Variants in EGFL6 observed in about 807,000 individuals in gnomAD.
The protein encoded by EGFL6 is EGF like domain multiple 6, also known as epidermal growth factor-like protein 6.
A neutral mutation model predicts 43.1 loss-of-function variants in EGFL6; 42 were observed. The ratio of observed to expected loss-of-function variants is 0.98; its 90% CI spans 0.76 to 1.26. EGFL6 has a LOEUF of 1.26. EGFL6 is among the 50% of genes most tolerant of loss of function. The pLI is 0.00. For missense variants in EGFL6, 429 were observed against 427.8 expected, an observed-to-expected ratio of 1.00 and a Z score of -0.02; for synonymous variants, 164 against 163.2, an observed-to-expected ratio of 1.01 and a Z score of -0.04.
In EGFL6 at chrX:13,631,537, T is replaced by C. The variant is rs187649388; in HGVS notation, c.1552-1448T>C. On this transcript the variant is annotated intron_variant, in intron 11 of 11. Transcript: ENST00000361306. ...TGGCTCATGCCTGTAATTCCAGCAC[T>C]TTGGGAGGCCTAGGTGGGTGGATCA... Among the ~76,000 whole-genome samples, 286 of 111,401 alleles carry C rather than the reference T, an allele frequency of 2.6e-3. 1 individual carries two copies. The highest frequency in any genetic ancestry group is 7.7e-3 in the Admixed American group (80 of 10,451).
intron 1 of EGFL6, among the ~76,000 whole-genome samples, chrX:13,578,702 T>C (rs929895158): frequency 2.7e-5 from 3 of 110,021 alleles, no homozygotes; most frequent in African/African-American, 1.0e-4. Flanking sequence ...CACCGCATAT[T>C]CTCACTCATA....
chrX:13,578,243 C>A (rs1415746779), intron 1 of EGFL6, among the ~76,000 whole-genome samples: 1 of 109,943 alleles, frequency 9.1e-6, no homozygotes, highest in Non-Finnish European at 1.9e-5. Context: ...CATCTCACAC[C>A]AGTTAGAATG....
intron 1 of EGFL6, among the ~76,000 whole-genome samples, chrX:13,576,979 C>CTTGT (rs1286390093): frequency 9.0e-6 from 1 of 110,507 alleles, no homozygotes; most frequent in South Asian, 3.8e-4. Flanking sequence ...ATGTGAAGGT[C>CTTGT]TTGTTTATGA....
At chrX:13,594,528 A>G (rs752131057) in intron 2 of EGFL6, among the ~76,000 whole-genome samples, 1 of 112,397 alleles carries the variant, frequency 8.9e-6, no homozygotes, top group Admixed American at 9.4e-5. Flanking sequence ...GGCAAGAGAC[A>G]GAAGGAAGGG....
chrX:13,601,582 T>A (rs1318049069), intron 4 of EGFL6, among the ~76,000 whole-genome samples: 5 of 111,723 alleles, frequency 4.5e-5, no homozygotes, highest in African/African-American at 1.6e-4. Flanking sequence ...TTTCCCGAGA[T>A]TATAAAATCT....
chrX:13,594,812 T>A (rs1270366650), intron 2 of EGFL6, 24 bp from the exon 3 acceptor site: 2 of 1,194,552 alleles, frequency 1.7e-6, no homozygotes, highest in Non-Finnish European at 2.3e-6. Context: ...TCTTTTATCA[T>A]CAAGACATCT....
rs746573790 is a variant in EGFL6, at chrX:13,617,967, T to C, written c.1016T>C (p.Met339Thr). ...HGGKKGNEEK[M>T]KEGLEDEKRE... ...GGTAAAAAAGGGAATGAAGAGAAAA[T>C]GAAAGAGGGGCTTGAGGATGAGAAA... is the stretch of plus-strand genomic sequence containing the variant. Residue 339 changes from methionine to threonine, a missense_variant, in exon 8 of 12, where the codon ATG becomes ACG. Met to Thr is a moderately conservative substitution (Grantham distance 81, BLOSUM62 -1). Transcript: ENST00000361306. The C allele has an allele frequency of 4.1e-6, 5 of 1,208,401 alleles. No homozygotes were observed. Among genetic ancestry groups the C allele is most frequent in the African/African-American group, 1.8e-5 (1 of 56,576 alleles).
At chrX:13,613,407 C>T (rs2045703100) in intron 7 of EGFL6, among the ~76,000 whole-genome samples, 2 of 110,106 alleles carry the variant, frequency 1.8e-5, no homozygotes, top group Admixed American at 2.0e-4. Context: ...AGCTACACCT[C>T]ATTCTAAGAA....
chrX:13,597,548 T>C (rs5935629), intron 3 of EGFL6, among the ~76,000 whole-genome samples: 59,548 of 109,835 alleles, frequency 0.54, 13,143 homozygotes, highest in African/African-American at 0.82. Context: ...CTTAGGGAGG[T>C]CGAGGTGGGT....
At chrX:13,593,897 CTG>C (rs1409059937) in intron 2 of EGFL6, among the ~76,000 whole-genome samples, 5 of 110,886 alleles carry the variant, frequency 4.5e-5, no homozygotes, top group African/African-American at 1.6e-4. Context: ...GGTGGACCTA[CTG>C]TGAGCCAGGG....
At chrX:13,592,714 G>A (rs766877687) in intron 2 of EGFL6, among the ~76,000 whole-genome samples, 4 of 110,053 alleles carry the variant, frequency 3.6e-5, no homozygotes, top group Non-Finnish European at 1.9e-5. Flanking sequence ...AAGGGGCCAT[G>A]CAAGGTGGTC....
At chrX:13,615,439 C>T (rs1386478452) in intron 7 of EGFL6, among the ~76,000 whole-genome samples, 1 of 111,643 alleles carries the variant, frequency 9.0e-6, no homozygotes, top group Admixed American at 9.5e-5. Flanking sequence ...TAGGGGTTTC[C>T]TGTTAATTTT....
intron 4 of EGFL6, among the ~76,000 whole-genome samples, chrX:13,601,553 T>A (rs1313775946): frequency 5.4e-5 from 6 of 111,370 alleles, no homozygotes; most frequent in Non-Finnish European, 1.1e-4. Flanking sequence ...TTGCACAGAC[T>A]CCCCAGCCCA....
chrX:13,627,367 C>T (rs2045787227), intron 11 of EGFL6, 91 bp downstream of exon 11: 2 of 1,063,566 alleles, frequency 1.9e-6, no homozygotes, highest in Non-Finnish European at 2.5e-6. Context: ...AGTATGTAGG[C>T]ATTAAGGATA....
At chrX:13,589,979 G>T (rs55829949) in intron 2 of EGFL6, among the ~76,000 whole-genome samples, 1 of 112,302 alleles carries the variant, frequency 8.9e-6, no homozygotes, top group Admixed American at 9.4e-5. Flanking sequence ...GGCAAAAGCA[G>T]GCTGGTAAAT....
intron 1 of EGFL6, among the ~76,000 whole-genome samples, chrX:13,585,812 C>T (rs925034033): frequency 9.0e-6 from 1 of 111,526 alleles, no homozygotes; most frequent in Admixed American, 9.6e-5. Context: ...ATGTCACCTA[C>T]CCTGTGACAT....
intron 1 of EGFL6, among the ~76,000 whole-genome samples, chrX:13,578,683 A>G (rs1356201151): frequency 9.0e-6 from 1 of 110,946 alleles, no homozygotes; most frequent in Admixed American, 9.6e-5. Context: ...GCAAGGACAA[A>G]AAACCAAACA....
At chrX:13,589,216 T>A (rs747739816) in intron 1 of EGFL6, among the ~76,000 whole-genome samples, 5 of 112,159 alleles carry the variant, frequency 4.5e-5, no homozygotes, top group Non-Finnish European at 7.5e-5. Flanking sequence ...GATTAGAAAG[T>A]GACTGAAATA....
At chrX:13,591,540 T>C (rs181924957) in intron 2 of EGFL6, among the ~76,000 whole-genome samples, 1 of 112,078 alleles carries the variant, frequency 8.9e-6, no homozygotes, top group Admixed American at 9.4e-5. Context: ...TGGTCCTTCT[T>C]GATGGTAAAG....
Sources: allele counts gnomAD v4.1 joint callset (sites outside exome capture counted in the v4.1 genomes callset), GRCh38; gene constraint gnomAD v4.1.1; transcripts MANE v1.5; gene names NCBI Gene and HGNC (gene_info 2026-07-23, HGNC 2026-07-21).